DCDC2: variants seen among roughly 807,000 people sequenced by gnomAD.
DCDC2 encodes doublecortin domain containing 2.
A neutral mutation model predicts 50.2 loss-of-function variants in DCDC2; 40 were observed. The ratio of observed to expected loss-of-function variants is 0.80; its 90% CI spans 0.62 to 1.04. The LOEUF (loss-of-function observed/expected upper bound fraction) is 1.04, where lower values mean the gene tolerates loss of function less well. Among genes scored for constraint, DCDC2 ranks in the 50% least tolerant of loss-of-function variants. DCDC2 has a pLI of 0.00. For missense variants in DCDC2, 570 were observed against 581.9 expected, an observed-to-expected ratio of 0.98 and a Z score of 0.21; for synonymous variants, 234 against 210.6, an observed-to-expected ratio of 1.11 and a Z score of -0.96.
intron 4 of DCDC2, among the ~76,000 whole-genome samples, chr6:24,297,699 T>C (rs1319903245): frequency 5.3e-5 from 8 of 151,898 alleles, no homozygotes; most frequent in African/African-American, 1.9e-4. Context: ...GTCAAAATTA[T>C]ATATGTAAAA....
intron 8 of DCDC2, among the ~76,000 whole-genome samples, chr6:24,198,032 ACAC>A (rs1761484787): frequency 6.6e-6 from 1 of 152,164 alleles, no homozygotes; most frequent in East Asian, 1.9e-4. Flanking sequence ...TCACACACAC[ACAC>A]AACTCCTAGA....
intron 7 of DCDC2, among the ~76,000 whole-genome samples, chr6:24,242,970 A>C (rs1426878836): frequency 2.6e-5 from 4 of 152,190 alleles, no homozygotes; most frequent in Non-Finnish European, 5.9e-5. Flanking sequence ...TCAAAAAAAA[A>C]AAGAAAAGGA....
intron 2 of DCDC2, among the ~76,000 whole-genome samples, chr6:24,320,524 G>T (rs186240928): frequency 6.6e-5 from 10 of 152,102 alleles, no homozygotes; most frequent in Admixed American, 6.6e-4. Context: ...TAGAGACAGG[G>T]TTTCACCATG....
intron 7 of DCDC2, among the ~76,000 whole-genome samples, chr6:24,247,786 T>C (rs951354071): frequency 6.6e-6 from 1 of 152,224 alleles, no homozygotes; most frequent in Non-Finnish European, 1.5e-5. Flanking sequence ...CTCTTAAAAA[T>C]GTTCTTGGCC....
At chr6:24,364,583 T>C in the DCDC2 span, among the ~76,000 whole-genome samples, 1 of 152,266 alleles carries the variant, frequency 6.6e-6, no homozygotes, top group Non-Finnish European at 1.5e-5. Flanking sequence ...AATGTCTTAC[T>C]AGTACCTAGC....
intron 7 of DCDC2, among the ~76,000 whole-genome samples, chr6:24,239,942 T>C (rs1194311855): frequency 6.6e-6 from 1 of 152,176 alleles, no homozygotes; most frequent in Non-Finnish European, 1.5e-5. Flanking sequence ...AATAATATCA[T>C]TCTGTAAAAC....
At chr6:24,363,840 C>T in the DCDC2 span, among the ~76,000 whole-genome samples, 22 of 152,314 alleles carry the variant, frequency 1.4e-4, no homozygotes, top group Middle Eastern at 6.8e-3. Context: ...AACAGTCATC[C>T]TGAAAGGTCG....
At position 24,330,068 on chromosome 6, in the gene DCDC2, C is replaced by T. The variant is rs548834705; in HGVS notation, c.348+23501G>A. ...TCAGTGAACCCATTATCAGGGACTACTGTAGAATTATTATTATTTTTTAAA... is the reference window on the plus strand; with the variant it reads ...TCAGTGAACCCATTATCAGGGACTATTGTAGAATTATTATTATTTTTTAAA... On this transcript the variant is annotated intron_variant, in intron 2 of 9. Coordinates refer to ENST00000378454, the MANE Select transcript of DCDC2 (RefSeq NM_016356.5). Among the ~76,000 whole-genome samples the T allele has an allele frequency of 1.8e-4, 27 of 152,268 alleles. 1 individual carries two copies. The highest frequency in any genetic ancestry group is 6.5e-4 in the African/African-American group (27 of 41,556).
intron 7 of DCDC2, among the ~76,000 whole-genome samples, chr6:24,257,743 CA>C (rs1329367639): frequency 6.6e-6 from 1 of 150,634 alleles, no homozygotes; most frequent in Non-Finnish European, 1.5e-5. Flanking sequence ...AAAGAAATTT[CA>C]TCAGAAAAGT....
At chr6:24,199,680 G>A (rs1761537717) in intron 8 of DCDC2, among the ~76,000 whole-genome samples, 1 of 152,126 alleles carries the variant, frequency 6.6e-6, no homozygotes, top group African/African-American at 2.4e-5. Context: ...ATTGACAGAA[G>A]CAGGCTTCAG....
intron 7 of DCDC2, among the ~76,000 whole-genome samples, chr6:24,265,973 C>G (rs528437612): frequency 2.8e-4 from 42 of 151,572 alleles, no homozygotes; most frequent in Middle Eastern, 3.4e-3. Context: ...ATAAAATTGA[C>G]AAATTTTTAG....
chr6:24,255,273 T>C (rs568277091), intron 7 of DCDC2, among the ~76,000 whole-genome samples: 1 of 151,616 alleles, frequency 6.6e-6, no homozygotes, highest in African/African-American at 2.4e-5. Context: ...GGAGAAAAAC[T>C]AATCTTGACT....
At chr6:24,218,095 G>C (rs553148653) in intron 7 of DCDC2, among the ~76,000 whole-genome samples, 8 of 151,924 alleles carry the variant, frequency 5.3e-5, no homozygotes, top group East Asian at 3.9e-4. Context: ...GCCTATATCA[G>C]CAATTGACAC....
intron 7 of DCDC2, 199 bp from the exon 8 acceptor site, chr6:24,205,301 G>A (rs1761694712): frequency 1.3e-6 from 2 of 1,544,056 alleles, no homozygotes; most frequent in East Asian, 2.4e-5. Flanking sequence ...ACATTCAGTG[G>A]TCAAAACAAG....
chr6:24,237,482 T>C (rs923242909), intron 7 of DCDC2, among the ~76,000 whole-genome samples: 8 of 152,226 alleles, frequency 5.3e-5, no homozygotes, highest in Non-Finnish European at 1.0e-4. Flanking sequence ...GAATGTAAAT[T>C]AGTTCAGCAA....
chr6:24,307,173 T>G (rs1034416934), intron 2 of DCDC2, among the ~76,000 whole-genome samples: 5 of 152,160 alleles, frequency 3.3e-5, no homozygotes, highest in Non-Finnish European at 5.9e-5. Flanking sequence ...GGCTGTAAAC[T>G]GAATGCTTCT....
chr6:24,259,864 C>T (rs1377442117), intron 7 of DCDC2, among the ~76,000 whole-genome samples: 2 of 152,152 alleles, frequency 1.3e-5, no homozygotes, highest in Admixed American at 1.3e-4. Flanking sequence ...GAGTCTCCAA[C>T]TCAGTAAGTT....
intron 7 of DCDC2, among the ~76,000 whole-genome samples, chr6:24,251,362 T>A (rs137915526): frequency 6.6e-6 from 1 of 152,232 alleles, no homozygotes; most frequent in Non-Finnish European, 1.5e-5. Flanking sequence ...AGTGCCATTA[T>A]TATTGTTAAT....
rs1239618857 is a variant in DCDC2 at position 24,205,027 on chromosome 6, G to T, written c.998C>A (p.Thr333Asn). Residue 333 changes from threonine (T) to asparagine (N), a missense_variant, in exon 8 of 10, where the codon ACT becomes AAT. Thr to Asn is a moderately conservative substitution (Grantham distance 65). Coordinates refer to ENST00000378454, the MANE Select transcript of DCDC2 (RefSeq NM_016356.5). ...GAAEVQEDED[T>N]QVEVPVDQRP... The stretch of plus-strand genomic sequence containing the variant: ...CTGATCGACTGGAACCTCAACCTGA[G>T]TATCTTCATCTTCTTGGACTTCTGC... 1 of 1,614,002 alleles carries T rather than the reference G, an allele frequency of 6.2e-7. No individual in the cohort carries two copies.
Sources: gnomAD v4.1 joint callset for allele counts (sites outside exome capture counted in the v4.1 genomes callset) on GRCh38, gnomAD v4.1.1 for gene constraint, MANE v1.5 for transcripts, NCBI Gene and HGNC (gene_info 2026-07-23, HGNC 2026-07-21) for gene names.